The following DCC variants were observed in gnomAD, a reference collection of about 807,000 sequenced individuals.
The protein encoded by DCC is DCC netrin 1 receptor.
Under a neutral mutation model 172.5 loss-of-function variants are expected in DCC, and 58 were observed. The ratio of observed to expected loss-of-function variants is 0.34; its 90% confidence interval spans 0.27 to 0.42. The LOEUF (loss-of-function observed/expected upper bound fraction) is 0.42, where lower values mean the gene tolerates loss of function less well. DCC is among the 10% of genes least tolerant of loss of function. The probability of loss-of-function intolerance (pLI) is 1.00; values close to 1 mark genes in which losing one functional copy is unlikely to be tolerated. For synonymous variants in DCC, 709 were observed against 644.5 expected (o/e 1.10, Z -1.52); for missense variants, 1,740 against 1,791.0 (o/e 0.97, Z 0.51).
At chr18:53,463,269 T>C (rs939350127) in intron 24 of DCC, among the ~76,000 whole-genome samples, 5 of 152,186 alleles carry the variant, frequency 3.3e-5, no homozygotes, top group Non-Finnish European at 7.3e-5. Flanking sequence ...AGTTGATATC[T>C]CTTAATAAGT....
chr18:52,588,137 G>T (rs570368607), intron 1 of DCC, among the ~76,000 whole-genome samples: 1 of 152,308 alleles, frequency 6.6e-6, no homozygotes, highest in South Asian at 2.1e-4. Flanking sequence ...GCCAAGAGCT[G>T]TCTCTTAAAC....
intron 1 of DCC, among the ~76,000 whole-genome samples, chr18:52,550,886 T>C (rs897320982): frequency 1.2e-4 from 18 of 152,062 alleles, no homozygotes; most frequent in African/African-American, 4.3e-4. Flanking sequence ...TCTGTAAATC[T>C]AAAACAATTT....
chr18:52,413,274 TA>T (rs1986903453), intron 1 of DCC, among the ~76,000 whole-genome samples: 1 of 150,862 alleles, frequency 6.6e-6, no homozygotes, highest in African/African-American at 2.4e-5. Flanking sequence ...AGATGTTTTT[TA>T]AAAGCCTAAC....
chr18:52,771,484 A>G (rs1346997530), intron 2 of DCC, among the ~76,000 whole-genome samples: 4 of 152,078 alleles, frequency 2.6e-5, no homozygotes, highest in Non-Finnish European at 2.9e-5. Flanking sequence ...CCTATACTCT[A>G]TGGAGGGACA....
rs944704456 is a variant in DCC, at chr18:53,057,681, C to A, written c.986-5624C>A. Among the ~76,000 whole-genome samples, 4 of 152,024 alleles carry A rather than the reference C, an allele frequency of 2.6e-5. No individual in the cohort carries two copies. In the East Asian group the frequency reaches 7.7e-4, roughly 29 times the overall value. Reference sequence around the variant, plus strand: ...GTATGAAGCTTTTCTCTGAAATGGACTAATACTATGTAAATGGAACAATTT... The same window carrying A: ...GTATGAAGCTTTTCTCTGAAATGGAATAATACTATGTAAATGGAACAATTT... On this transcript the variant is annotated intron_variant, in intron 5 of 28. Transcript: ENST00000442544.
chr18:53,430,155 T>C (rs1451149297), intron 21 of DCC, among the ~76,000 whole-genome samples: 2 of 152,126 alleles, frequency 1.3e-5, no homozygotes, highest in East Asian at 3.9e-4. Flanking sequence ...ATGCAATTTC[T>C]ATCATCATTA....
chr18:52,671,891 G>A (rs1183694172), intron 1 of DCC, among the ~76,000 whole-genome samples: 1 of 152,042 alleles, frequency 6.6e-6, no homozygotes, highest in African/African-American at 2.4e-5. Flanking sequence ...TGAAAAGGAA[G>A]TAAATACCCC....
intron 20 of DCC, among the ~76,000 whole-genome samples, chr18:53,411,282 A>G (rs937577804): frequency 6.6e-6 from 1 of 152,144 alleles, no homozygotes; most frequent in African/African-American, 2.4e-5. Flanking sequence ...TGGTTTGAAG[A>G]GTCATTTAAC....
intron 2 of DCC, among the ~76,000 whole-genome samples, chr18:52,802,199 C>A (rs2038002066): frequency 6.6e-6 from 1 of 151,946 alleles, no homozygotes; most frequent in African/African-American, 2.4e-5. Context: ...GGAAGACCAC[C>A]CCTGAGCCAT....
chr18:52,618,629 T>A (rs891360703), intron 1 of DCC, among the ~76,000 whole-genome samples: 3 of 152,226 alleles, frequency 2.0e-5, no homozygotes, highest in African/African-American at 7.2e-5. Flanking sequence ...ACTGTCCTGG[T>A]CATCTTGTGT....
chr18:52,777,450 C>T (rs2037454281), intron 2 of DCC, among the ~76,000 whole-genome samples: 1 of 151,782 alleles, frequency 6.6e-6, no homozygotes, highest in Admixed American at 6.6e-5. Flanking sequence ...CTCTGTATGT[C>T]CATCTCAAAA....
rs769562862 is a variant in DCC at position 53,157,362 on chromosome 18, C to G, written c.1268C>G (p.Pro423Arg). ...TCCTCTTCTTTCTCCTTAGCTATCC[C>G]AAGCTCCAGTGTCCTCCCTTCGGCT... ...AQLIVPKPAI[P>R]SSSVLPSAPR... Residue 423 changes from proline to arginine, a missense_variant, in exon 8 of 29, where the codon CCA becomes CGA. Physicochemically the swap from Pro to Arg is moderately radical, Grantham distance 103. Around this residue, in one of 2 missense-constraint regions of DCC, gnomAD observed 1,732 missense variants for 1,767.4 expected, o/e 0.98. Coordinates refer to ENST00000442544, the MANE Select transcript of DCC (RefSeq NM_005215.4). The G allele has an allele frequency of 1.6e-5, 26 of 1,613,950 alleles. No homozygotes were observed. The Admixed American group carries it at 4.0e-4, about 25-fold the overall frequency.
intron 21 of DCC, among the ~76,000 whole-genome samples, chr18:53,427,948 A>T (rs1421358771): frequency 1.6e-5 from 1 of 60,814 alleles, no homozygotes; most frequent in East Asian, 4.4e-4. Flanking sequence ...ATATATTATA[A>T]TATATAATAT....
At chr18:52,590,157 TGG>T (rs2033768104) in intron 1 of DCC, among the ~76,000 whole-genome samples, 1 of 50,058 alleles carries the variant, frequency 2.0e-5, no homozygotes, top group South Asian at 1.3e-3. Flanking sequence ...TTGGTATAAA[TGG>T]TGTGTGTGTG....
intron 1 of DCC, among the ~76,000 whole-genome samples, chr18:52,403,531 A>G (rs1437642059): frequency 6.6e-6 from 1 of 152,054 alleles, no homozygotes; most frequent in Non-Finnish European, 1.5e-5. Flanking sequence ...TGGTCAGTAA[A>G]CATGGGAATA....
At chr18:53,509,216 A>C (rs2046220690) in intron 27 of DCC, among the ~76,000 whole-genome samples, 2 of 152,252 alleles carry the variant, frequency 1.3e-5, no homozygotes, top group African/African-American at 4.8e-5. Flanking sequence ...GAAAGTGAGA[A>C]AAAGAGGTTA....
At chr18:53,501,492 C>T (rs1308165159) in intron 27 of DCC, among the ~76,000 whole-genome samples, 5 of 152,072 alleles carry the variant, frequency 3.3e-5, no homozygotes, top group African/African-American at 9.7e-5. Context: ...CAAGAAACAT[C>T]TTAAAATAAT....
intron 12 of DCC, among the ~76,000 whole-genome samples, chr18:53,258,420 C>T (rs912148092): frequency 1.3e-5 from 2 of 151,930 alleles, no homozygotes; most frequent in Admixed American, 1.3e-4. Flanking sequence ...TATCTTTGTT[C>T]TCGTTGGTTT....
At chr18:52,611,332 G>A (rs1226625852) in intron 1 of DCC, among the ~76,000 whole-genome samples, 1 of 152,028 alleles carries the variant, frequency 6.6e-6, no homozygotes, top group Admixed American at 6.6e-5. Flanking sequence ...AATCTTTATA[G>A]CCATTCCCTA....
Sources: gnomAD v4.1 joint callset for allele counts (sites outside exome capture counted in the v4.1 genomes callset) on GRCh38, gnomAD v4.1.1 for gene constraint, gnomAD v4.1.1 regional missense constraint, MANE v1.5 for transcripts, NCBI Gene and HGNC (gene_info 2026-07-23, HGNC 2026-07-21) for gene names.